PRKN: variants seen among roughly 807,000 people sequenced by gnomAD.
PRKN encodes the protein E3 ubiquitin-protein ligase parkin.
Under a neutral mutation model 59.5 loss-of-function variants are expected in PRKN, and 56 were observed. The observed-to-expected ratio is 0.94, with a 90% confidence interval of 0.76 to 1.18. The LOEUF (loss-of-function observed/expected upper bound fraction) is 1.18. Ranked by LOEUF, PRKN falls within the 50% of genes most tolerant of loss-of-function variation. The probability of loss-of-function intolerance (pLI) is 0.00; values close to 1 mark genes in which losing one functional copy is unlikely to be tolerated. For synonymous variants in PRKN, 250 were observed against 222.1 expected (o/e 1.13, Z -1.12); for missense variants, 657 against 596.4 (o/e 1.10, Z -1.06).
chr6:161,753,632 G>C (rs1282041869), intron 7 of PRKN, among the ~76,000 whole-genome samples: 3 of 152,158 alleles, frequency 2.0e-5, no homozygotes, highest in Non-Finnish European at 4.4e-5. Context: ...AGCAGGGAGG[G>C]AGGGCCCATG....
chr6:162,451,582 A>G (rs1339858671), intron 1 of PRKN, among the ~76,000 whole-genome samples: 2 of 151,900 alleles, frequency 1.3e-5, no homozygotes, highest in Non-Finnish European at 2.9e-5. Flanking sequence ...AGAAAAAAAG[A>G]GAGAGAGAGA....
At chr6:162,538,120 C>T (rs887134564) in intron 1 of PRKN, among the ~76,000 whole-genome samples, 2 of 152,166 alleles carry the variant, frequency 1.3e-5, no homozygotes, top group Admixed American at 6.5e-5. Context: ...AATACCTCGG[C>T]GGGTGCGGTG....
intron 7 of PRKN, among the ~76,000 whole-genome samples, chr6:161,705,832 G>T (rs1786465463): frequency 6.6e-6 from 1 of 152,054 alleles, no homozygotes. Flanking sequence ...TTCTACTGGT[G>T]CATACCCCTA....
chr6:161,563,165 C>T (rs1780518158), intron 8 of PRKN, among the ~76,000 whole-genome samples: 1 of 152,100 alleles, frequency 6.6e-6, no homozygotes, highest in Non-Finnish European at 1.5e-5. Flanking sequence ...CTCAGGGCTC[C>T]TCAACTACCC....
chr6:161,477,086 G>A (rs559182411), intron 9 of PRKN, among the ~76,000 whole-genome samples: 1 of 152,336 alleles, frequency 6.6e-6, no homozygotes, highest in South Asian at 2.1e-4. Flanking sequence ...TCACCAGTGT[G>A]GTTAATTATC....
intron 4 of PRKN, among the ~76,000 whole-genome samples, chr6:162,134,264 T>A (rs74968461): frequency 0.15 from 23,532 of 152,110 alleles, 2,265 homozygotes; most frequent in African/African-American, 0.26. Flanking sequence ...CAGAGTACAT[T>A]TACAATGTCA....
At chr6:161,351,068 T>A (rs192804963) in intron 11 of PRKN, among the ~76,000 whole-genome samples, 5,367 of 92,584 alleles carry the variant, frequency 0.058, 349 homozygotes, top group Non-Finnish European at 0.076. Context: ...ATATTTATAT[T>A]TAAAATATAT....
At chr6:162,291,901 G>T (rs1006147127) in intron 2 of PRKN, among the ~76,000 whole-genome samples, 4 of 151,544 alleles carry the variant, frequency 2.6e-5, no homozygotes, top group African/African-American at 9.7e-5. Flanking sequence ...TTTTCTAAGT[G>T]AGCAGCCACT....
chr6:161,364,441 G>A (rs146761699), intron 10 of PRKN, among the ~76,000 whole-genome samples: 1,820 of 104,956 alleles, frequency 0.017, 42 homozygotes, highest in African/African-American at 0.066. Flanking sequence ...CTGGGCAACA[G>A]AACGAGACTC....
intron 2 of PRKN, among the ~76,000 whole-genome samples, chr6:162,333,976 T>C (rs1022286794): frequency 6.6e-6 from 1 of 152,166 alleles, no homozygotes; most frequent in East Asian, 1.9e-4. Flanking sequence ...GTTATCTGGA[T>C]ACAAGATCGA....
intron 4 of PRKN, among the ~76,000 whole-genome samples, chr6:162,137,868 GAC>G (rs948206527): frequency 2.6e-5 from 4 of 152,162 alleles, no homozygotes; most frequent in African/African-American, 9.7e-5. Flanking sequence ...TTTTGGAAGG[GAC>G]AAACATTCAA....
chr6:161,645,515 T>C (rs542662975), intron 7 of PRKN, among the ~76,000 whole-genome samples: 14 of 152,370 alleles, frequency 9.2e-5, no homozygotes, highest in Non-Finnish European at 1.6e-4. Flanking sequence ...TAAACGTTTA[T>C]AAAATGAAAA....
At chr6:162,016,372 A>G (rs1782935703) in intron 5 of PRKN, among the ~76,000 whole-genome samples, 1 of 152,116 alleles carries the variant, frequency 6.6e-6, no homozygotes, top group Admixed American at 6.6e-5. Context: ...ACCCCTGCAG[A>G]CTGCCCCTTG....
At chr6:162,428,311 G>C (rs766213198) in intron 2 of PRKN, among the ~76,000 whole-genome samples, 3 of 152,118 alleles carry the variant, frequency 2.0e-5, no homozygotes, top group Non-Finnish European at 4.4e-5. Context: ...TGTATGTATA[G>C]ATTCTCAAAT....
At chr6:161,723,467 T>C (rs758762268) in intron 7 of PRKN, among the ~76,000 whole-genome samples, 15 of 152,126 alleles carry the variant, frequency 9.9e-5, no homozygotes, top group Non-Finnish European at 1.9e-4. Flanking sequence ...AGGGGAAACC[T>C]ACAGTTTCTG....
chr6:162,660,151 A>C (rs548890514), intron 1 of PRKN, among the ~76,000 whole-genome samples: 12 of 152,290 alleles, frequency 7.9e-5, no homozygotes, highest in African/African-American at 2.6e-4. Context: ...AAATTCAAAA[A>C]TTATTTTAAA....
At chr6:162,532,580 C>T (rs890587293) in intron 1 of PRKN, among the ~76,000 whole-genome samples, 3 of 152,214 alleles carry the variant, frequency 2.0e-5, no homozygotes, top group Admixed American at 2.0e-4. Context: ...TGTGTCCTAG[C>T]ACCCTGCCCA....
intron 4 of PRKN, among the ~76,000 whole-genome samples, chr6:162,055,746 T>C (rs901299220): frequency 1.3e-5 from 2 of 152,064 alleles, no homozygotes; most frequent in African/African-American, 4.8e-5. Context: ...ACCCAGCTAG[T>C]GTTTAAGTTG....
At chr6:161,898,961 C>T (rs1009677202) in intron 6 of PRKN, among the ~76,000 whole-genome samples, 1 of 152,220 alleles carries the variant, frequency 6.6e-6, no homozygotes, top group Non-Finnish European at 1.5e-5. Flanking sequence ...AGCTCAATGG[C>T]AAATCATCGG....
Sources: allele counts gnomAD v4.1 joint callset (sites outside exome capture counted in the v4.1 genomes callset), GRCh38; gene constraint gnomAD v4.1.1; transcripts MANE v1.5; gene names NCBI Gene and HGNC (gene_info 2026-07-23, HGNC 2026-07-21).